Variants in ERC1 observed in about 807,000 individuals in gnomAD.
The protein encoded by ERC1 is ELKS/RAB6-interacting/CAST family member 1, also known as RAB6 interacting protein 2.
ERC1 carries 56 observed loss-of-function variants against 132.0 expected under a neutral mutation model. That is an observed-to-expected ratio of 0.42 (90% CI 0.34 to 0.53). The LOEUF (loss-of-function observed/expected upper bound fraction) is 0.53. Ranked by LOEUF, ERC1 falls within the 20% of genes least tolerant of loss-of-function variation. The pLI is 0.03. For synonymous variants in ERC1, 478 were observed against 476.1 expected (o/e 1.00, Z -0.05); for missense variants, 1,202 against 1,349.9 (o/e 0.89, Z 1.72).
chr12:1,325,101 A>G (rs539921020), intron 15 of ERC1, among the ~76,000 whole-genome samples: 2 of 152,204 alleles, frequency 1.3e-5, no homozygotes, highest in Non-Finnish European at 2.9e-5. Flanking sequence ...TTCCTTATGT[A>G]AAGACTTGGC....
intron 3 of ERC1, among the ~76,000 whole-genome samples, chr12:1,093,883 GTATT>G (rs1431472463): frequency 2.3e-4 from 30 of 131,690 alleles, no homozygotes; most frequent in South Asian, 7.3e-4. Flanking sequence ...ATGTTTATGT[GTATT>G]TATTTATATA....
chr12:1,440,303 C>T (rs1470092143), intron 17 of ERC1, among the ~76,000 whole-genome samples: 1 of 143,818 alleles, frequency 7.0e-6, no homozygotes, highest in Non-Finnish European at 1.5e-5. Flanking sequence ...CTCCTGGGTT[C>T]ACGCCATTCT....
chr12:1,317,828 C>G (rs888842841), intron 15 of ERC1, among the ~76,000 whole-genome samples: 1 of 152,174 alleles, frequency 6.6e-6, no homozygotes, highest in Non-Finnish European at 1.5e-5. Context: ...TCTCTATATA[C>G]TTTCTTTATT....
At chr12:1,189,048 G>C (rs1955427110) in intron 11 of ERC1, among the ~76,000 whole-genome samples, 1 of 152,052 alleles carries the variant, frequency 6.6e-6, no homozygotes, top group African/African-American at 2.4e-5. Context: ...TCAGATCTTA[G>C]TGTGGTTCTT....
chr12:1,174,167 A>ACCCACCT (rs1566146036), intron 8 of ERC1, among the ~76,000 whole-genome samples: 1 of 152,136 alleles, frequency 6.6e-6, no homozygotes, highest in Non-Finnish European at 1.5e-5. Context: ...CACCCGACAC[A>ACCCACCT]CCCACCTCCC....
intron 1 of ERC1, among the ~76,000 whole-genome samples, chr12:1,024,254 G>T (rs899487357): frequency 6.6e-6 from 1 of 152,038 alleles, no homozygotes; most frequent in South Asian, 2.1e-4. Context: ...GCTGATGCTC[G>T]CCTGTAGTCT....
chr12:1,185,189 A>G (rs193209364), intron 11 of ERC1, among the ~76,000 whole-genome samples: 2 of 151,246 alleles, frequency 1.3e-5, no homozygotes, highest in East Asian at 1.9e-4. Context: ...GATTACAGGC[A>G]TGAGCCACCA....
intron 18 of ERC1, among the ~76,000 whole-genome samples, chr12:1,488,140 G>GGA (rs2094265622): frequency 1.5e-5 from 1 of 68,144 alleles, no homozygotes; most frequent in African/African-American, 4.2e-5. Flanking sequence ...TCACGTCTCA[G>GGA]AAAAAAAAAA....
intron 10 of ERC1, among the ~76,000 whole-genome samples, chr12:1,182,444 G>C (rs1021007618): frequency 3.3e-5 from 5 of 152,162 alleles, no homozygotes; most frequent in Admixed American, 2.6e-4. Context: ...GAACACAACA[G>C]CTATTAAATT....
chr12:1,384,521 GTGT>G (rs1418667633), intron 16 of ERC1, among the ~76,000 whole-genome samples: 2 of 152,248 alleles, frequency 1.3e-5, no homozygotes, highest in East Asian at 3.9e-4. Flanking sequence ...TATTAAGATA[GTGT>G]TTAGCCACCA....
chr12:1,107,739 G>T (rs150644173), intron 4 of ERC1, among the ~76,000 whole-genome samples: 4 of 152,294 alleles, frequency 2.6e-5, no homozygotes, highest in African/African-American at 7.2e-5. Flanking sequence ...AATGGGGAGG[G>T]TAGGGTGAAA....
intron 18 of ERC1, among the ~76,000 whole-genome samples, chr12:1,459,695 AAC>A (rs757503101): frequency 6.6e-6 from 1 of 152,248 alleles, no homozygotes; most frequent in Non-Finnish European, 1.5e-5. Flanking sequence ...TATCTCGTCA[AAC>A]ACACAAAAAT....
chr12:1,055,385 G>C (rs1262223917), intron 2 of ERC1, among the ~76,000 whole-genome samples: 1 of 152,072 alleles, frequency 6.6e-6, no homozygotes, highest in Non-Finnish European at 1.5e-5. Context: ...TTGCCATGTT[G>C]CCCAGGCTGG....
intron 16 of ERC1, among the ~76,000 whole-genome samples, chr12:1,385,359 T>G (rs949142373): frequency 2.8e-4 from 43 of 152,288 alleles, no homozygotes; most frequent in African/African-American, 1.2e-4. Context: ...CACGGCTCAC[T>G]GCAAGCTCCG....
intron 15 of ERC1, among the ~76,000 whole-genome samples, chr12:1,348,538 C>A (rs551652971): frequency 1.1e-4 from 17 of 152,070 alleles, no homozygotes; most frequent in African/African-American, 3.9e-4. Flanking sequence ...ACCAAAAATA[C>A]AAAAATTAGC....
intron 17 of ERC1, among the ~76,000 whole-genome samples, chr12:1,431,926 G>A (rs999016903): frequency 1.3e-5 from 2 of 152,190 alleles, no homozygotes; most frequent in Non-Finnish European, 2.9e-5. Context: ...GAGACAGGGA[G>A]TGCAGTGGTG....
chr12:1,148,409 G>A (rs2154252992), intron 8 of ERC1, among the ~76,000 whole-genome samples: 1 of 152,092 alleles, frequency 6.6e-6, no homozygotes, highest in Middle Eastern at 3.4e-3. Context: ...TGCAAATCTT[G>A]TATATTTTTT....
At chr12:1,331,654 C>G (rs960309670) in intron 15 of ERC1, among the ~76,000 whole-genome samples, 8 of 152,162 alleles carry the variant, frequency 5.3e-5, no homozygotes, top group Non-Finnish European at 1.5e-5. Context: ...GAGGTGAGTA[C>G]ACGATTGCAG....
In ERC1 at chr12:1,424,206, A is replaced by C. The variant is rs151083410; in HGVS notation, c.3024+15959A>C. On this transcript the variant is annotated intron_variant, in intron 17 of 18. Transcript: ENST00000360905. ...CTAATATTGAAGGAAGAAGCAGCTC[A>C]TAATGACATAATGAATGAGTAGGCA... 5.0e-3 allele frequency among the ~76,000 whole-genome samples: 764 copies of C among 152,354 alleles called. 9 individuals are homozygous for C. Among genetic ancestry groups the C allele is most frequent in the African/African-American group, 0.017 (722 of 41,582 alleles).
Sources: allele counts gnomAD v4.1 joint callset (sites outside exome capture counted in the v4.1 genomes callset), GRCh38; gene constraint gnomAD v4.1.1; transcripts MANE v1.5; gene names NCBI Gene and HGNC (gene_info 2026-07-23, HGNC 2026-07-21).